CACNA1D: variants seen among roughly 807,000 people sequenced by gnomAD.
CACNA1D encodes calcium voltage-gated channel subunit alpha1 D, also known as voltage-dependent L-type calcium channel subunit alpha-1D.
CACNA1D carries 55 observed loss-of-function variants against 257.1 expected under a neutral mutation model. The observed-to-expected ratio is 0.21, with a 90% CI of 0.17 to 0.27. CACNA1D has a LOEUF of 0.27. Among genes scored for constraint, CACNA1D ranks in the 10% least tolerant of loss-of-function variants. The pLI, the probability that CACNA1D is intolerant of heterozygous loss-of-function variation, is 1.00. For missense variants in CACNA1D, 1,876 were observed against 2,784.0 expected, an observed-to-expected ratio of 0.67 and a Z score of 7.34; for synonymous variants, 980 against 1,014.9, an observed-to-expected ratio of 0.97 and a Z score of 0.65.
intron 3 of CACNA1D, among the ~76,000 whole-genome samples, chr3:53,523,528 C>T (rs1033321800): frequency 6.6e-6 from 1 of 152,202 alleles, no homozygotes; most frequent in Non-Finnish European, 1.5e-5. Flanking sequence ...CATCCAGGGC[C>T]TCTGGCGCTT....
intron 44 of CACNA1D, among the ~76,000 whole-genome samples, chr3:53,804,498 C>G (rs2095552108): frequency 6.6e-6 from 1 of 152,222 alleles, no homozygotes; most frequent in Non-Finnish European, 1.5e-5. Flanking sequence ...TCCCCCAACC[C>G]CCAGAAAAGA....
intron 39 of CACNA1D, among the ~76,000 whole-genome samples, chr3:53,785,221 A>T (rs1576659755): frequency 6.6e-6 from 1 of 152,056 alleles, no homozygotes; most frequent in Non-Finnish European, 1.5e-5. Flanking sequence ...TTGCCTATGG[A>T]CCTTGCATCA....
intron 8 of CACNA1D, among the ~76,000 whole-genome samples, chr3:53,688,499 G>A (rs1314298428): frequency 6.6e-6 from 1 of 152,224 alleles, no homozygotes; most frequent in African/African-American, 2.4e-5. Context: ...GAGAGAAATG[G>A]ATGGGAAGGG....
Position 53,776,940 on chromosome 3 carries a change from A to C in CACNA1D, c.4571A>C (p.His1524Pro). ...PPLGFGKLCP[H>P]RVACKRLVAM... ...CTGGGGTTTGGGAAGTTATGTCCAC[A>C]CAGGGTAGCGTGCAAGGTGAGTGTC... Residue 1524 changes from histidine to proline, a missense_variant, in exon 37 of 48, where the codon CAC becomes CCC. Transcript: ENST00000350061. 6.2e-7 allele frequency: 1 copy of C among 1,613,828 alleles called. No homozygotes were observed. Among genetic ancestry groups the C allele is most frequent in the Non-Finnish European group, 8.5e-7 (1 of 1,179,704 alleles).
At chr3:53,613,982 A>G (rs935756624) in intron 3 of CACNA1D, among the ~76,000 whole-genome samples, 1 of 152,034 alleles carries the variant, frequency 6.6e-6, no homozygotes, top group African/African-American at 2.4e-5. Context: ...GTAGAACTCT[A>G]AAGAAGATAG....
chr3:53,619,035 G>A (rs2093667222), intron 3 of CACNA1D, among the ~76,000 whole-genome samples: 1 of 152,134 alleles, frequency 6.6e-6, no homozygotes, highest in Non-Finnish European at 1.5e-5. Context: ...TTGTGTTCAA[G>A]TCTGTTTCAT....
chr3:53,633,991 C>A (rs1247317095), intron 3 of CACNA1D, among the ~76,000 whole-genome samples: 1 of 152,162 alleles, frequency 6.6e-6, no homozygotes, highest in African/African-American at 2.4e-5. Context: ...AAATAATAAA[C>A]CTAGACATTT....
chr3:53,650,979 GGGT>G, intron 4 of CACNA1D, 61 bp downstream of exon 4: 4 of 1,427,608 alleles, frequency 2.8e-6, no homozygotes, highest in Non-Finnish European at 3.9e-6. Context: ...AGGTTGGGGG[GGGT>G]GGTGGTAACA....
chr3:53,670,882 T>C (rs762636812), intron 7 of CACNA1D, among the ~76,000 whole-genome samples: 8 of 152,190 alleles, frequency 5.3e-5, no homozygotes, highest in Admixed American at 2.0e-4. Flanking sequence ...GATTTTTCTT[T>C]TGTATATGGT....
Position 53,666,545 on chromosome 3 carries a change from C to CT in CACNA1D, c.1116+11dup. 1.9e-6 allele frequency: 3 copies of CT among 1,605,326 alleles called. No homozygotes were observed. The highest frequency in any genetic ancestry group is 1.7e-6 in the Non-Finnish European group (2 of 1,172,052). On this transcript the variant is annotated intron_variant, in intron 7 of 47. Coordinates refer to ENST00000350061, the MANE Select transcript of CACNA1D (RefSeq NM_001128840.3). Reference sequence around the variant, plus strand: ...AGATGTGCTCTACTGGGTAAGTACCCTGGGGAGAGAGTTTATGGAGTGTTC... The same window carrying CT: ...AGATGTGCTCTACTGGGTAAGTACCCTTGGGGAGAGAGTTTATGGAGTGTTC...
chr3:53,743,034 C>T lies in CACNA1D; in HGVS notation c.2835C>T (p.Leu945=). The change falls in exon 22 of 48, where the codon CTC becomes CTT. Residue 945 remains leucine (L), a synonymous_variant. Transcript: ENST00000350061. The part of the protein sequence containing the change: ...LLKMTTFGAF[L]HKGAFCRNYF... ...AGATGACAACTTTTGGAGCTTTCCTCCACAAAGGGGCCTTCTGCAGGAACT... is the reference window on the plus strand; with the variant it reads ...AGATGACAACTTTTGGAGCTTTCCTTCACAAAGGGGCCTTCTGCAGGAACT... 2 of 1,612,920 alleles carry T rather than the reference C, an allele frequency of 1.2e-6. No individual in the cohort carries two copies. The highest frequency in any genetic ancestry group is 1.7e-6 in the Non-Finnish European group (2 of 1,178,886).
chr3:53,536,976 A>AT (rs1345226618), intron 3 of CACNA1D, among the ~76,000 whole-genome samples: 2 of 152,118 alleles, frequency 1.3e-5, no homozygotes, highest in Non-Finnish European at 2.9e-5. Context: ...TTCTACTTTT[A>AT]TTTTTTACTA....
chr3:53,739,762 C>T (rs953772278), intron 20 of CACNA1D, among the ~76,000 whole-genome samples: 3 of 152,156 alleles, frequency 2.0e-5, no homozygotes, highest in Non-Finnish European at 2.9e-5. Context: ...AGGGTGCTGA[C>T]GCCCTGATTA....
Position 53,802,182 on chromosome 3 carries a change from T to C in CACNA1D, c.5435+9T>C, listed in dbSNP as rs1432772955. ...TATGAAACTTACATTAGGTATGTGC[T>C]CATTACCTGTTTTTGTGTTAAATAC... On this transcript the variant is annotated intron_variant, in intron 43 of 47. Transcript: ENST00000350061. The C allele has an allele frequency of 6.2e-7, 1 of 1,600,700 alleles. No homozygotes were observed. The highest frequency in any genetic ancestry group is 8.6e-7 in the Non-Finnish European group (1 of 1,167,810).
intron 3 of CACNA1D, among the ~76,000 whole-genome samples, chr3:53,521,422 A>G (rs897711782): frequency 2.0e-5 from 3 of 152,234 alleles, no homozygotes; most frequent in Non-Finnish European, 4.4e-5. Flanking sequence ...TTAGAAGGCC[A>G]TAGCTGGATT....
intron 26 of CACNA1D, among the ~76,000 whole-genome samples, 177 bp downstream of exon 26, chr3:53,747,625 G>C (rs1255832377): frequency 6.6e-6 from 1 of 152,160 alleles, no homozygotes; most frequent in African/African-American, 2.4e-5. Context: ...TTCTGTGTAG[G>C]TGGATGATTT....
intron 3 of CACNA1D, among the ~76,000 whole-genome samples, chr3:53,582,139 C>T (rs1017824394): frequency 2.6e-5 from 4 of 151,944 alleles, no homozygotes; most frequent in Non-Finnish European, 4.4e-5. Flanking sequence ...CCCTGCCTTT[C>T]GAGCATCGTG....
intron 4 of CACNA1D, among the ~76,000 whole-genome samples, chr3:53,651,778 T>C (rs2094100235): frequency 1.3e-5 from 2 of 152,212 alleles, no homozygotes; most frequent in South Asian, 2.1e-4. Flanking sequence ...GTAAATAGCC[T>C]CTCTGTTTTC....
chr3:53,616,122 G>C (rs548851973), intron 3 of CACNA1D, among the ~76,000 whole-genome samples: 1 of 152,270 alleles, frequency 6.6e-6, no homozygotes, highest in South Asian at 2.1e-4. Context: ...GCAGGGTGAG[G>C]GTGAGCTCAG....
Sources: allele counts gnomAD v4.1 joint callset (sites outside exome capture counted in the v4.1 genomes callset), GRCh38; gene constraint gnomAD v4.1.1; transcripts MANE v1.5; gene names NCBI Gene and HGNC (gene_info 2026-07-23, HGNC 2026-07-21).